The following DKK2 variants were observed in gnomAD, a reference collection of about 807,000 sequenced individuals.
DKK2 encodes dickkopf Wnt signaling pathway inhibitor 2.
DKK2 carries 11 observed loss-of-function variants against 28.1 expected under a neutral mutation model. The ratio of observed to expected loss-of-function variants is 0.39; its 90% confidence interval spans 0.25 to 0.65. The LOEUF (loss-of-function observed/expected upper bound fraction) is 0.65. Among genes scored for constraint, DKK2 ranks in the 30% least tolerant of loss-of-function variants. DKK2 has a pLI of 0.47. For synonymous variants in DKK2, 135 were observed against 126.5 expected (o/e 1.07, Z -0.45); for missense variants, 326 against 335.5 (o/e 0.97, Z 0.22).
At chr4:106,975,603 T>C (rs994158329) in intron 1 of DKK2, among the ~76,000 whole-genome samples, 13 of 152,178 alleles carry the variant, frequency 8.5e-5, no homozygotes, top group African/African-American at 2.4e-4. Flanking sequence ...TATCATTTTT[T>C]ATTATGTCTG....
At chr4:106,946,783 T>A (rs1392408529) in intron 1 of DKK2, among the ~76,000 whole-genome samples, 2 of 152,000 alleles carry the variant, frequency 1.3e-5, no homozygotes, top group Non-Finnish European at 2.9e-5. Flanking sequence ...TTCCACAAGC[T>A]GGATGGTTCA....
chr4:106,924,923 C>T (rs1479922449), intron 2 of DKK2, among the ~76,000 whole-genome samples: 1 of 152,078 alleles, frequency 6.6e-6, no homozygotes, highest in African/African-American at 2.4e-5. Flanking sequence ...ACCAAGTGAC[C>T]TTGGACAAAA....
chr4:107,000,790 T>G (rs923452064), intron 1 of DKK2, among the ~76,000 whole-genome samples: 1 of 152,172 alleles, frequency 6.6e-6, no homozygotes, highest in Non-Finnish European at 1.5e-5. Flanking sequence ...TATTTCCATT[T>G]TATAGAAGGC....
intron 1 of DKK2, among the ~76,000 whole-genome samples, chr4:106,957,600 G>A (rs1722614901): frequency 1.3e-5 from 2 of 151,618 alleles, no homozygotes; most frequent in Non-Finnish European, 2.9e-5. Flanking sequence ...CATGTCCTTT[G>A]TAAGGACATG....
intron 1 of DKK2, among the ~76,000 whole-genome samples, chr4:106,958,641 G>A (rs1031755848): frequency 2.0e-5 from 3 of 151,882 alleles, no homozygotes; most frequent in Non-Finnish European, 2.9e-5. Flanking sequence ...TTCAAGATCA[G>A]TCTGGCCAAC....
At chr4:107,025,330 A>T (rs1723758389) in intron 1 of DKK2, among the ~76,000 whole-genome samples, 1 of 152,198 alleles carries the variant, frequency 6.6e-6, no homozygotes, top group Non-Finnish European at 1.5e-5. Flanking sequence ...ATTTACATTT[A>T]AAAAATTTTT....
At chr4:106,981,784 T>C (rs912726123) in intron 1 of DKK2, among the ~76,000 whole-genome samples, 1 of 152,196 alleles carries the variant, frequency 6.6e-6, no homozygotes, top group Admixed American at 6.5e-5. Context: ...TTTTCTTTTT[T>C]TACCAACCAT....
intron 1 of DKK2, among the ~76,000 whole-genome samples, chr4:106,981,802 T>C (rs1233873992): frequency 6.6e-6 from 1 of 152,162 alleles, no homozygotes; most frequent in Non-Finnish European, 1.5e-5. Flanking sequence ...CATTTTTGCT[T>C]TACTTTTATT....
intron 1 of DKK2, among the ~76,000 whole-genome samples, chr4:106,973,678 A>G (rs971060669): frequency 5.9e-5 from 9 of 151,848 alleles, no homozygotes; most frequent in Admixed American, 3.9e-4. Context: ...CTCCCATACT[A>G]TAGGTTGCCT....
At chr4:106,983,303 GAAGAAGAAAGA>G (rs1157547282) in intron 1 of DKK2, among the ~76,000 whole-genome samples, 2 of 89,866 alleles carry the variant, frequency 2.2e-5, no homozygotes, top group African/African-American at 5.0e-5. Context: ...GAAAAGAAAG[GAAGAAGAAAGA>G]AAGAAGAAAG....
intron 1 of DKK2, among the ~76,000 whole-genome samples, chr4:106,957,549 T>C (rs1401076540): frequency 6.6e-6 from 1 of 151,720 alleles, no homozygotes; most frequent in East Asian, 1.9e-4. Context: ...GTGGCACACA[T>C]ACACCATGGA....
intron 1 of DKK2, among the ~76,000 whole-genome samples, chr4:106,946,398 A>G (rs980662250): frequency 6.6e-6 from 1 of 152,142 alleles, no homozygotes; most frequent in East Asian, 1.9e-4. Flanking sequence ...ATGAGTTGAA[A>G]GTGTAGATGA....
intron 1 of DKK2, among the ~76,000 whole-genome samples, chr4:107,010,467 G>A (rs540677721): frequency 3.8e-4 from 57 of 151,724 alleles, no homozygotes; most frequent in African/African-American, 1.1e-3. Flanking sequence ...AGAGAGGACA[G>A]GGACATATAT....
chr4:106,999,468 T>G lies in DKK2; in HGVS notation c.222+35902A>C, dbSNP rs567456712. ...TTCAAGTGATTCTCCTGCCTCAGCC[T>G]CCTACGGAGCTGGGACTACAGGTGC... On this transcript the variant is annotated intron_variant, in intron 1 of 3. Transcript: ENST00000285311. Among the ~76,000 whole-genome samples the G allele has an allele frequency of 4.6e-5, 7 of 152,322 alleles. No individual in the cohort carries two copies. The East Asian group carries it at 1.4e-3, about 29-fold the overall frequency.
At chr4:106,927,010 T>G (rs750597098) in intron 1 of DKK2, among the ~76,000 whole-genome samples, 1 of 152,176 alleles carries the variant, frequency 6.6e-6, no homozygotes, top group Non-Finnish European at 1.5e-5. Context: ...AACCTTTTTT[T>G]CTTTTTTGAA....
chr4:106,924,241 C>G, intron 3 of DKK2, 37 bp from the exon 4 acceptor site: 1 of 1,582,788 alleles, frequency 6.3e-7, no homozygotes, highest in Non-Finnish European at 8.6e-7. Flanking sequence ...TACCCTGACA[C>G]TTCAGAAAAA....
chr4:107,007,522 G>GA (rs1723454890), intron 1 of DKK2, among the ~76,000 whole-genome samples: 1 of 152,048 alleles, frequency 6.6e-6, no homozygotes, highest in African/African-American at 2.4e-5. Context: ...GAAATGATTT[G>GA]AAAAGAAAGC....
chr4:106,977,905 C>T (rs890228742), intron 1 of DKK2, among the ~76,000 whole-genome samples: 2 of 152,088 alleles, frequency 1.3e-5, no homozygotes, highest in Admixed American at 6.6e-5. Context: ...TGTTGGTGAC[C>T]TTCAGATGGG....
intron 1 of DKK2, among the ~76,000 whole-genome samples, chr4:106,972,873 A>T (rs1722887857): frequency 6.6e-6 from 1 of 152,088 alleles, no homozygotes; most frequent in Non-Finnish European, 1.5e-5. Flanking sequence ...ATTTCTCCTA[A>T]TGCTATTCCT....
Sources: gnomAD v4.1 joint callset for allele counts (sites outside exome capture counted in the v4.1 genomes callset) on GRCh38, gnomAD v4.1.1 for gene constraint, MANE v1.5 for transcripts, NCBI Gene and HGNC (gene_info 2026-07-23, HGNC 2026-07-21) for gene names.